The following BMP6 variants were observed in gnomAD, a reference collection of about 807,000 sequenced individuals.
The protein encoded by BMP6 is VG-1-R.
BMP6 carries 17 observed loss-of-function variants against 54.1 expected under a neutral mutation model. The observed-to-expected ratio is 0.31, with a 90% CI of 0.22 to 0.47. The LOEUF is 0.47. Among genes scored for constraint, BMP6 ranks in the 20% least tolerant of loss-of-function variants. The pLI, the probability that BMP6 is intolerant of heterozygous loss-of-function variation, is 1.00. For synonymous variants in BMP6, 328 were observed against 291.2 expected, an observed-to-expected ratio of 1.13 and a Z score of -1.28; for missense variants, 720 against 690.4, an observed-to-expected ratio of 1.04 and a Z score of -0.48.
chr6:7,752,297 T>C (rs1349723492), intron 1 of BMP6, among the ~76,000 whole-genome samples: 2 of 152,226 alleles, frequency 1.3e-5, no homozygotes, highest in Non-Finnish European at 2.9e-5. Context: ...GAGCTGTAGC[T>C]TGGTGACTCT....
At chr6:7,815,244 G>A (rs1001575796) in intron 1 of BMP6, among the ~76,000 whole-genome samples, 2 of 152,172 alleles carry the variant, frequency 1.3e-5, no homozygotes, top group Non-Finnish European at 2.9e-5. Flanking sequence ...GAGTGCTGTG[G>A]CACCTAAACA....
At chr6:7,859,671 C>T (rs1400374482) in intron 2 of BMP6, among the ~76,000 whole-genome samples, 1 of 147,508 alleles carries the variant, frequency 6.8e-6, no homozygotes, top group Non-Finnish European at 1.5e-5. Flanking sequence ...TCCATGGACA[C>T]CCCCCGCACC....
rs546230019 is a variant in BMP6, at chr6:7,756,880, G to A, written c.664+29261G>A. ...GCACGCAAACTTTCCCCAGCCTTGT[G>A]TAAACTGGTAATTTTTTTTCCTGCT... On this transcript the variant is annotated intron_variant, in intron 1 of 6. Coordinates refer to ENST00000283147, the MANE Select transcript of BMP6 (RefSeq NM_001718.6). Among the ~76,000 whole-genome samples, 5 of 152,302 alleles carry A rather than the reference G, an allele frequency of 3.3e-5. No homozygotes were observed. The South Asian group carries it at 1.0e-3, about 32-fold the overall frequency.
chr6:7,829,674 C>T (rs1189394547), intron 1 of BMP6, among the ~76,000 whole-genome samples: 3 of 152,200 alleles, frequency 2.0e-5, no homozygotes. Context: ...CCACTGCACT[C>T]CAGCCTCGGC....
intron 1 of BMP6, among the ~76,000 whole-genome samples, chr6:7,822,228 C>G (rs971912183): frequency 6.6e-5 from 10 of 152,198 alleles, no homozygotes; most frequent in Non-Finnish European, 8.8e-5. Flanking sequence ...CCATGTCGGT[C>G]AGGCTGGTCT....
intron 1 of BMP6, among the ~76,000 whole-genome samples, chr6:7,768,638 T>A (rs1033713271): frequency 1.3e-5 from 2 of 152,188 alleles, no homozygotes; most frequent in Admixed American, 1.3e-4. Context: ...TTATTGACTG[T>A]AGTGGTTCCT....
intron 4 of BMP6, among the ~76,000 whole-genome samples, chr6:7,867,141 G>A (rs1363490860): frequency 6.6e-6 from 1 of 152,094 alleles, no homozygotes; most frequent in African/African-American, 2.4e-5. Flanking sequence ...CAAAGTGTTG[G>A]GATTACAGGT....
At chr6:7,872,739 T>C (rs1174442329) in intron 4 of BMP6, among the ~76,000 whole-genome samples, 1 of 152,096 alleles carries the variant, frequency 6.6e-6, no homozygotes, top group Non-Finnish European at 1.5e-5. Context: ...GAAGTGGTGG[T>C]CTCTGCCTGT....
chr6:7,776,929 C>T (rs1033220045), intron 1 of BMP6, among the ~76,000 whole-genome samples: 1 of 152,226 alleles, frequency 6.6e-6, no homozygotes, highest in African/African-American at 2.4e-5. Context: ...GAATTGGATT[C>T]TTAAAAATAC....
chr6:7,871,629 A>AG (rs1309765212), intron 4 of BMP6, among the ~76,000 whole-genome samples: 1 of 152,174 alleles, frequency 6.6e-6, no homozygotes, highest in Admixed American at 6.5e-5. Flanking sequence ...CCTGCCCTTG[A>AG]GGGGGACCAG....
intron 1 of BMP6, among the ~76,000 whole-genome samples, chr6:7,765,249 CAAAAGTTTAAATTAGTTTCCCA>C (rs1757669855): frequency 4.6e-5 from 7 of 152,122 alleles, no homozygotes; most frequent in Admixed American, 2.6e-4. Context: ...TTTATTCCCC[CAAAAGTTTAAATTAGTTTCCCA>C]GAGAGGGGGA....
Position 7,862,308 on chromosome 6 carries a change from C to T in BMP6, c.1014C>T (p.His338=), listed in dbSNP as rs61733612. 1,178 of 1,614,184 alleles carry T rather than the reference C, an allele frequency of 7.3e-4. 13 individuals are homozygous for T. In the African/African-American group the frequency reaches 0.014, roughly 19 times the overall value. The change falls in exon 4 of 7, where the codon CAC becomes CAT. Residue 338 remains histidine, a synonymous_variant. Coordinates refer to ENST00000283147, the MANE Select transcript of BMP6 (RefSeq NM_001718.6). ...CTTTGATTTGCATTAAAGGAGTCCA[C>T]GTCCACCCCCGAGCCGCAGGCCTGG... ...QLSVVTRDGV[H]VHPRAAGLVG...
intron 1 of BMP6, among the ~76,000 whole-genome samples, chr6:7,777,681 T>A (rs1202465609): frequency 3.9e-4 from 55 of 142,066 alleles, no homozygotes; most frequent in Non-Finnish European, 3.6e-4. Flanking sequence ...GCATCACTAA[T>A]AAAAAAAAAA....
intron 1 of BMP6, among the ~76,000 whole-genome samples, chr6:7,803,006 C>T (rs1758294698): frequency 6.6e-6 from 1 of 152,080 alleles, no homozygotes; most frequent in Non-Finnish European, 1.5e-5. Context: ...CCTTTCTTTC[C>T]AAGGAGGGAG....
At chr6:7,763,674 G>C (rs1744048168) in intron 1 of BMP6, among the ~76,000 whole-genome samples, 1 of 152,154 alleles carries the variant, frequency 6.6e-6, no homozygotes, top group South Asian at 2.1e-4. Context: ...TATTTACTGG[G>C]CTGACCCCTC....
intron 1 of BMP6, among the ~76,000 whole-genome samples, chr6:7,810,352 G>A (rs1447038781): frequency 1.3e-5 from 2 of 152,178 alleles, no homozygotes; most frequent in Admixed American, 1.3e-4. Context: ...TCAATATCTT[G>A]AATTTGCAAA....
At chr6:7,794,054 A>G (rs1401877613) in intron 1 of BMP6, among the ~76,000 whole-genome samples, 2 of 152,142 alleles carry the variant, frequency 1.3e-5, no homozygotes, top group Non-Finnish European at 2.9e-5. Context: ...AGCTCTGTCC[A>G]TGGGTAAGGC....
intron 1 of BMP6, among the ~76,000 whole-genome samples, chr6:7,821,333 C>G (rs557285247): frequency 2.1e-4 from 32 of 152,264 alleles, no homozygotes; most frequent in African/African-American, 7.5e-4. Flanking sequence ...TGGGTTCTTG[C>G]ATTGTGCCCA....
intron 1 of BMP6, among the ~76,000 whole-genome samples, chr6:7,788,695 G>A (rs1758052137): frequency 6.6e-6 from 1 of 152,156 alleles, no homozygotes; most frequent in Non-Finnish European, 1.5e-5. Context: ...TTAGGATGAA[G>A]CAAATCAGAA....
Sources: gnomAD v4.1 joint callset for allele counts (sites outside exome capture counted in the v4.1 genomes callset) on GRCh38, gnomAD v4.1.1 for gene constraint, MANE v1.5 for transcripts, NCBI Gene and HGNC (gene_info 2026-07-23, HGNC 2026-07-21) for gene names.